Variants in JMJD1C observed in about 807,000 individuals in gnomAD.
JMJD1C encodes jumonji domain containing 1C.
A neutral mutation model predicts 245.3 loss-of-function variants in JMJD1C; 31 were observed. The observed-to-expected ratio is 0.13, with a 90% CI of 0.09 to 0.17. The LOEUF (loss-of-function observed/expected upper bound fraction) is 0.17. JMJD1C is among the 10% of genes least tolerant of loss of function. JMJD1C has a pLI of 1.00. For missense variants in JMJD1C, 2,691 were observed against 3,000.2 expected, an observed-to-expected ratio of 0.90 and a Z score of 2.41; for synonymous variants, 1,057 against 1,017.4, an observed-to-expected ratio of 1.04 and a Z score of -0.74.
chr10:63,387,629 A>ATTTTTTTTTTTTTTTTTT lies in JMJD1C; in HGVS notation c.169-7165_169-7148dup, dbSNP rs71025169. Among the ~76,000 whole-genome samples the ATTTTTTTTTTTTTTTTTT allele has an allele frequency of 6.6e-4, 25 of 37,866 alleles. 5 individuals carry two copies. The highest frequency in any genetic ancestry group is 2.0e-3 in the African/African-American group (17 of 8,304). The allele number at this position is 37,866 out of a possible 152,430, so 24.8% of individuals were successfully genotyped here. On this transcript the variant is annotated intron_variant, in intron 1 of 25. Coordinates refer to ENST00000399262, the MANE Select transcript of JMJD1C (RefSeq NM_032776.3). ...AGTCAGAAGAAAAAAGAAAAAAAAA[A>ATTTTTTTTTTTTTTTTTT]TTTTTTTTTTTTTTTTTTTTTTTTG...
chr10:63,411,487 C>T (rs989652817), intron 1 of JMJD1C, among the ~76,000 whole-genome samples: 24 of 151,554 alleles, frequency 1.6e-4, no homozygotes, highest in Admixed American at 7.2e-4. Context: ...TTAGTAGAAA[C>T]GAGTTTTCAC....
chr10:63,357,246 A>T (rs1389415288), intron 2 of JMJD1C, among the ~76,000 whole-genome samples: 1 of 151,996 alleles, frequency 6.6e-6, no homozygotes, highest in Non-Finnish European at 1.5e-5. Context: ...GTTGGCCAGG[A>T]ATAGTCTCAA....
chr10:63,434,442 T>TTG (rs1164524680), intron 1 of JMJD1C, among the ~76,000 whole-genome samples: 2 of 151,976 alleles, frequency 1.3e-5, no homozygotes, highest in Non-Finnish European at 2.9e-5. Context: ...TCAGGAGCCT[T>TTG]TGTAAGTCAA....
intron 2 of JMJD1C, among the ~76,000 whole-genome samples, chr10:63,269,962 C>T (rs1232122306): frequency 2.6e-5 from 4 of 151,794 alleles, no homozygotes; most frequent in Admixed American, 6.6e-5. Flanking sequence ...GTGTGATGTA[C>T]AAAATACACA....
intron 1 of JMJD1C, among the ~76,000 whole-genome samples, chr10:63,425,562 G>T (rs573989314): frequency 2.6e-5 from 4 of 152,176 alleles, no homozygotes; most frequent in Admixed American, 1.3e-4. Flanking sequence ...CAGGCAGATC[G>T]CTTGAGCCCA....
chr10:63,412,691 C>A (rs934262204), intron 1 of JMJD1C, among the ~76,000 whole-genome samples: 1 of 152,060 alleles, frequency 6.6e-6, no homozygotes, highest in African/African-American at 2.4e-5. Context: ...GGGTAAAGTT[C>A]TGATATTTTA....
chr10:63,353,542 G>A (rs1944537634), intron 2 of JMJD1C, among the ~76,000 whole-genome samples: 1 of 152,160 alleles, frequency 6.6e-6, no homozygotes, highest in Non-Finnish European at 1.5e-5. Context: ...GGTTGAGACA[G>A]TCTCACTCTA....
intron 1 of JMJD1C, among the ~76,000 whole-genome samples, chr10:63,383,762 A>C (rs1947385403): frequency 6.6e-6 from 1 of 152,166 alleles, no homozygotes; most frequent in Non-Finnish European, 1.5e-5. Context: ...CTGCCAAAAA[A>C]CGGTAACAAT....
intron 2 of JMJD1C, among the ~76,000 whole-genome samples, chr10:63,337,624 A>AAAAGAAAAGGAAAAG (rs139374030): frequency 1.7e-5 from 1 of 60,194 alleles, no homozygotes; most frequent in African/African-American, 7.4e-5. Context: ...AAAAGAAAAG[A>AAAAGAAAAGGAAAAG]AAAAGAAAAG....
chr10:63,232,155 C>T (rs1322844539), intron 3 of JMJD1C, among the ~76,000 whole-genome samples: 2 of 152,048 alleles, frequency 1.3e-5, no homozygotes, highest in African/African-American at 2.4e-5. Context: ...CCCTTAAGGG[C>T]TTATTTTCAT....
In JMJD1C at chr10:63,208,049, G is replaced by C; in HGVS notation, c.3620C>G (p.Pro1207Arg). Reference sequence around the variant, plus strand: ...GTGATGGATTGGTGGGTGAAATACTGGTGCTCTATGTAATGCAGGCATACT... The same window carrying C: ...GTGATGGATTGGTGGGTGAAATACTCGTGCTCTATGTAATGCAGGCATACT... ...LRSMPALHRA[P>R]VFHPPIHHSL... The change falls in exon 10 of 26, where the codon CCA becomes CGA. Residue 1207 changes from proline (P) to arginine (R), a missense_variant. Around this residue, in one of 9 missense-constraint regions of JMJD1C, gnomAD observed 1,562 missense variants for 1,490.7 expected, o/e 1.05. Coordinates refer to ENST00000399262, the MANE Select transcript of JMJD1C (RefSeq NM_032776.3). The C allele has an allele frequency of 6.2e-7, 1 of 1,614,100 alleles. No homozygotes were observed. Among genetic ancestry groups the C allele is most frequent in the Admixed American group, 1.7e-5 (1 of 60,020 alleles).
chr10:63,310,910 G>A (rs1939095391), intron 2 of JMJD1C, among the ~76,000 whole-genome samples: 1 of 152,034 alleles, frequency 6.6e-6, no homozygotes, highest in Non-Finnish European at 1.5e-5. Context: ...ATTAAGATAC[G>A]ATTTTATATT....
intron 2 of JMJD1C, among the ~76,000 whole-genome samples, chr10:63,319,435 C>T (rs1404902625): frequency 6.6e-6 from 1 of 150,936 alleles, no homozygotes; most frequent in Non-Finnish European, 1.5e-5. Flanking sequence ...TTAACTTTAA[C>T]GTATGTTGTG....
intron 3 of JMJD1C, among the ~76,000 whole-genome samples, chr10:63,232,107 G>C (rs1850095654): frequency 6.6e-6 from 1 of 152,066 alleles, no homozygotes; most frequent in Non-Finnish European, 1.5e-5. Context: ...CAAAGTGTTG[G>C]AATTACAGGC....
At chr10:63,369,916 G>A (rs757948462) in intron 2 of JMJD1C, among the ~76,000 whole-genome samples, 2 of 152,086 alleles carry the variant, frequency 1.3e-5, no homozygotes, top group African/African-American at 2.4e-5. Context: ...GGGGGCTTTC[G>A]ACATTCCAGT....
chr10:63,318,247 A>C (rs1940351140), intron 2 of JMJD1C, among the ~76,000 whole-genome samples: 1 of 151,864 alleles, frequency 6.6e-6, no homozygotes, highest in South Asian at 2.1e-4. Flanking sequence ...GAACTCCTAG[A>C]CTCGAGGAAT....
intron 2 of JMJD1C, among the ~76,000 whole-genome samples, chr10:63,333,478 G>C (rs1233819729): frequency 6.6e-6 from 1 of 152,128 alleles, no homozygotes; most frequent in East Asian, 1.9e-4. Flanking sequence ...GGCCTACGAG[G>C]TTGAGGCTGC....
chr10:63,427,876 C>A, intron 1 of JMJD1C: 1 of 799,430 alleles, frequency 1.3e-6, no homozygotes, highest in Non-Finnish European at 2.2e-6. Flanking sequence ...GGAGATGGCA[C>A]TGGCAGCTAC....
chr10:63,296,349 C>T (rs1859432855), intron 2 of JMJD1C, among the ~76,000 whole-genome samples: 1 of 152,000 alleles, frequency 6.6e-6, no homozygotes, highest in Admixed American at 6.6e-5. Flanking sequence ...CGAACAGCAG[C>T]ACTATTAACT....
Sources: gnomAD v4.1 joint callset for allele counts (sites outside exome capture counted in the v4.1 genomes callset) on GRCh38, gnomAD v4.1.1 for gene constraint, gnomAD v4.1.1 regional missense constraint, MANE v1.5 for transcripts, NCBI Gene and HGNC (gene_info 2026-07-23, HGNC 2026-07-21) for gene names.